DNM3: variants seen among roughly 807,000 people sequenced by gnomAD.
DNM3 encodes dynamin-3.
In DNM3, 47 loss-of-function variants were observed where a neutral mutation model predicts 101.6. That is an observed-to-expected ratio of 0.46 (90% CI 0.37 to 0.59). The LOEUF (loss-of-function observed/expected upper bound fraction) is 0.59, where lower values mean the gene tolerates loss of function less well. DNM3 is among the 20% of genes least tolerant of loss of function. DNM3 has a pLI of 0.00. For synonymous variants in DNM3, 385 were observed against 387.9 expected (o/e 0.99, Z 0.09); for missense variants, 849 against 1,085.7 (o/e 0.78, Z 3.06).
chr1:172,025,157 T>C (rs2048111998), intron 4 of DNM3, among the ~76,000 whole-genome samples: 1 of 152,170 alleles, frequency 6.6e-6, no homozygotes, highest in Admixed American at 6.5e-5. Context: ...TAGGTGGTTT[T>C]CCCCTCACAG....
intron 14 of DNM3, among the ~76,000 whole-genome samples, chr1:172,182,709 T>C (rs1467462169): frequency 6.6e-6 from 1 of 152,118 alleles, no homozygotes; most frequent in Non-Finnish European, 1.5e-5. Context: ...ATTCAAATTC[T>C]GGGCCTCATT....
At chr1:172,032,580 G>A (rs12562623) in intron 5 of DNM3, 80 bp downstream of exon 5, 23 of 879,766 alleles carry the variant, frequency 2.6e-5, no homozygotes, top group Non-Finnish European at 1.7e-6. Flanking sequence ...AAATGATTGG[G>A]AAGCCACTAG....
chr1:172,081,844 A>G lies in DNM3; in HGVS notation c.1435A>G (p.Ile479Val). The change falls in exon 12 of 21, where the codon ATT becomes GTT. Residue 479 changes from isoleucine (I) to valine (V), a missense_variant. By Grantham distance (29) the Ile-to-Val change is conservative. Transcript: ENST00000627582. Reference sequence around the variant, plus strand: ...CTTTGACTTATAGGTATTGCTATTGATTGACATTCAAGTCTCTTACATCAA... The same window carrying G: ...CTTTGACTTATAGGTATTGCTATTGGTTGACATTCAAGTCTCTTACATCAA... ...GKTKDQVLLL[I>V]DIQVSYINTN... 6.2e-7 allele frequency: 1 copy of G among 1,612,560 alleles called. No individual in the cohort carries two copies. The highest frequency in any genetic ancestry group is 8.5e-7 in the Non-Finnish European group (1 of 1,179,236).
intron 14 of DNM3, among the ~76,000 whole-genome samples, chr1:172,216,872 A>G (rs2060719486): frequency 6.6e-6 from 1 of 152,030 alleles, no homozygotes; most frequent in South Asian, 2.1e-4. Flanking sequence ...CAATTTTCCC[A>G]CCTAGAGATT....
Position 172,066,449 on chromosome 1 carries a change from T to C in DNM3, c.1336-2370T>C, listed in dbSNP as rs546558994. On this transcript the variant is annotated intron_variant, in intron 10 of 20. Coordinates refer to ENST00000627582, the MANE Select transcript of DNM3 (RefSeq NM_015569.5). ...AAGGGTGCTGAGTGTGGTAGCATGCTAGCTCAGGTCGCTAGTCCTCTTCTT... is the reference window on the plus strand; with the variant it reads ...AAGGGTGCTGAGTGTGGTAGCATGCCAGCTCAGGTCGCTAGTCCTCTTCTT... 2.1e-4 allele frequency among the ~76,000 whole-genome samples: 32 copies of C among 152,288 alleles called. No homozygotes were observed. In the South Asian group the frequency reaches 6.2e-3, roughly 30 times the overall value.
At chr1:171,980,151 CTTTTT>C (rs35057661) in intron 2 of DNM3, among the ~76,000 whole-genome samples, 1 of 138,354 alleles carries the variant, frequency 7.2e-6, no homozygotes, top group Non-Finnish European at 1.5e-5. Context: ...TTTAGATTTC[CTTTTT>C]TTTTTTTTTG....
chr1:171,906,672 T>C (rs2038864110), intron 1 of DNM3, among the ~76,000 whole-genome samples: 1 of 152,168 alleles, frequency 6.6e-6, no homozygotes, highest in South Asian at 2.1e-4. Context: ...GTTATTTTCA[T>C]AAAAAATTCT....
chr1:171,976,049 C>A (rs1243236827), intron 2 of DNM3, among the ~76,000 whole-genome samples: 1 of 121,582 alleles, frequency 8.2e-6, no homozygotes, highest in Non-Finnish European at 1.8e-5. Context: ...ATCAATGGAA[C>A]AGGATGGATT....
chr1:172,330,459 T>G (rs1004532152), intron 17 of DNM3, among the ~76,000 whole-genome samples: 9 of 152,144 alleles, frequency 5.9e-5, no homozygotes, highest in African/African-American at 1.9e-4. Context: ...AGAAACTACC[T>G]ATTGTGTACT....
chr1:172,262,524 A>G (rs1481152919), intron 15 of DNM3, among the ~76,000 whole-genome samples: 1 of 152,074 alleles, frequency 6.6e-6, no homozygotes, highest in Non-Finnish European at 1.5e-5. Flanking sequence ...GGGGTCTCTC[A>G]TTCACACTTT....
chr1:171,962,068 G>A (rs1032705844), intron 2 of DNM3, among the ~76,000 whole-genome samples: 1 of 152,170 alleles, frequency 6.6e-6, no homozygotes, highest in African/African-American at 2.4e-5. Flanking sequence ...GTTTGCTAAT[G>A]TATTTGCTCA....
intron 14 of DNM3, among the ~76,000 whole-genome samples, chr1:172,210,738 G>C (rs1363686797): frequency 2.0e-5 from 3 of 152,068 alleles, no homozygotes; most frequent in African/African-American, 7.2e-5. Context: ...AAGAAAAGTT[G>C]TGCCTTTGAG....
Position 172,407,998 on chromosome 1 carries a change from T to C in DNM3, c.*157T>C, listed in dbSNP as rs1386175502. ...ATTCATCGCTCATCTTCATTGCTCATGGTATGTCAAACCTTTGGGGTTTGA... is the reference window on the plus strand; with the variant it reads ...ATTCATCGCTCATCTTCATTGCTCACGGTATGTCAAACCTTTGGGGTTTGA... On this transcript the variant is annotated 3_prime_UTR_variant, in exon 21 of 21. Transcript: ENST00000627582. The C allele has an allele frequency of 2.7e-6, 4 of 1,490,442 alleles. No homozygotes were observed. Among genetic ancestry groups the C allele is most frequent in the South Asian group, 1.3e-5 (1 of 75,598 alleles). 92.3% of individuals were successfully genotyped at this position (1,490,442 alleles called of 1,614,324 possible). A position where few individuals can be genotyped will look rare whatever the true frequency, so the allele number is the denominator to read the frequency against.
chr1:172,013,129 A>G (rs558745593), intron 4 of DNM3, among the ~76,000 whole-genome samples: 2 of 151,846 alleles, frequency 1.3e-5, no homozygotes, highest in Non-Finnish European at 2.9e-5. Context: ...GATTTTTTTC[A>G]TTGTTGTTGT....
chr1:172,086,720 A>G (rs763724485), intron 12 of DNM3, among the ~76,000 whole-genome samples: 36 of 152,162 alleles, frequency 2.4e-4, no homozygotes, highest in Admixed American at 1.3e-4. Context: ...CTATGGTGGT[A>G]GCTACTGAGA....
At chr1:172,179,766 A>T (rs1224041555) in intron 14 of DNM3, among the ~76,000 whole-genome samples, 3 of 151,992 alleles carry the variant, frequency 2.0e-5, no homozygotes, top group African/African-American at 7.2e-5. Flanking sequence ...CTACTCTGTA[A>T]AAGCACTTCT....
intron 15 of DNM3, among the ~76,000 whole-genome samples, chr1:172,286,635 C>T (rs1439739772): frequency 6.6e-6 from 1 of 152,176 alleles, no homozygotes; most frequent in Non-Finnish European, 1.5e-5. Context: ...TACCCTGAGA[C>T]ACCAGCCCCA....
At chr1:171,945,656 T>C (rs1434089243) in intron 2 of DNM3, among the ~76,000 whole-genome samples, 3 of 152,162 alleles carry the variant, frequency 2.0e-5, no homozygotes, top group African/African-American at 7.2e-5. Context: ...TTTCCTTTTT[T>C]TTGGTTTGAA....
intron 4 of DNM3, among the ~76,000 whole-genome samples, chr1:171,991,679 GC>G (rs1255982987): frequency 6.6e-6 from 1 of 152,136 alleles, no homozygotes; most frequent in East Asian, 1.9e-4. Context: ...TTAAACTTCA[GC>G]CCCTCATCCC....
Sources: gnomAD v4.1 joint callset for allele counts (sites outside exome capture counted in the v4.1 genomes callset) on GRCh38, gnomAD v4.1.1 for gene constraint, MANE v1.5 for transcripts, NCBI Gene and HGNC (gene_info 2026-07-23, HGNC 2026-07-21) for gene names.